Variants in OPCML observed in about 807,000 individuals in gnomAD.
OPCML encodes opioid-binding protein/cell adhesion molecule.
Under a neutral mutation model 37.8 loss-of-function variants are expected in OPCML, and 13 were observed. The ratio of observed to expected loss-of-function variants is 0.34; its 90% confidence interval spans 0.22 to 0.55. The LOEUF (loss-of-function observed/expected upper bound fraction) is 0.55. OPCML is among the 20% of genes least tolerant of loss of function. The pLI is 0.91. For missense variants in OPCML, 341 were observed against 435.6 expected (o/e 0.78, Z 1.93); for synonymous variants, 176 against 168.8 (o/e 1.04, Z -0.33).
chr11:133,168,037 G>A (rs1025803853), intron 1 of OPCML, among the ~76,000 whole-genome samples: 1 of 152,134 alleles, frequency 6.6e-6, no homozygotes, highest in African/African-American at 2.4e-5. Flanking sequence ...AAAACTAAAA[G>A]GTGTGTCAAT....
chr11:133,387,951 T>A (rs1335717552), intron 1 of OPCML, among the ~76,000 whole-genome samples: 1 of 152,090 alleles, frequency 6.6e-6, no homozygotes, highest in South Asian at 2.1e-4. Flanking sequence ...GGATACCAAG[T>A]GCAAAGACAC....
At chr11:133,187,388 C>A (rs1366316548) in intron 1 of OPCML, among the ~76,000 whole-genome samples, 1 of 152,120 alleles carries the variant, frequency 6.6e-6, no homozygotes, top group Admixed American at 6.6e-5. Flanking sequence ...TTGGGATGAT[C>A]CACTCTGCAG....
At chr11:132,558,111 T>A (rs1401526244) in intron 3 of OPCML, among the ~76,000 whole-genome samples, 2 of 151,246 alleles carry the variant, frequency 1.3e-5, no homozygotes, top group African/African-American at 4.9e-5. Flanking sequence ...GATAGGAGAG[T>A]TCTTTCTCCC....
intron 1 of OPCML, among the ~76,000 whole-genome samples, chr11:133,140,885 A>AAGGAGAAGGAGAAGGAGAAGGAGAAGG (rs1346820266): frequency 3.1e-5 from 1 of 32,092 alleles, no homozygotes; most frequent in South Asian, 1.3e-3. Flanking sequence ...GAAGACGACG[A>AAGGAGAAGGAGAAGGAGAAGGAGAAGG]CGACGACGAA....
chr11:132,989,663 G>A (rs1946741010), intron 1 of OPCML, among the ~76,000 whole-genome samples: 1 of 151,600 alleles, frequency 6.6e-6, no homozygotes, highest in African/African-American at 2.4e-5. Context: ...AGGTGGAGGT[G>A]TGGATCTGTG....
At chr11:133,233,106 A>T (rs1940349202) in intron 1 of OPCML, among the ~76,000 whole-genome samples, 1 of 152,202 alleles carries the variant, frequency 6.6e-6, no homozygotes, top group Admixed American at 6.5e-5. Context: ...GACATGTAGC[A>T]GCTAAGCTTA....
chr11:132,795,115 GAC>G (rs150540717), intron 2 of OPCML, among the ~76,000 whole-genome samples: 11 of 150,184 alleles, frequency 7.3e-5, no homozygotes, highest in East Asian at 2.0e-4. Flanking sequence ...CACACACACA[GAC>G]ACACACACAC....
intron 3 of OPCML, among the ~76,000 whole-genome samples, chr11:132,604,750 G>A (rs1397787160): frequency 6.6e-6 from 1 of 152,124 alleles, no homozygotes; most frequent in African/African-American, 2.4e-5. Context: ...ATTTAATCAG[G>A]AACAACAGCC....
At chr11:132,541,774 A>G (rs960148806) in intron 3 of OPCML, among the ~76,000 whole-genome samples, 4 of 152,196 alleles carry the variant, frequency 2.6e-5, no homozygotes, top group Non-Finnish European at 5.9e-5. Context: ...CCAAGGTTTC[A>G]GCTACAGCCA....
At chr11:132,840,906 C>A (rs1273989226) in intron 2 of OPCML, among the ~76,000 whole-genome samples, 1 of 152,002 alleles carries the variant, frequency 6.6e-6, no homozygotes, top group African/African-American at 2.4e-5. Flanking sequence ...GAAGCAGATG[C>A]GGCAAAAAGA....
intron 1 of OPCML, among the ~76,000 whole-genome samples, chr11:133,184,007 C>T (rs997369666): frequency 5.3e-5 from 8 of 152,236 alleles, no homozygotes; most frequent in African/African-American, 9.6e-5. Flanking sequence ...TTTGATAAAA[C>T]GCAGTGTAGC....
At chr11:133,235,923 C>A (rs1006598134) in intron 1 of OPCML, among the ~76,000 whole-genome samples, 2 of 152,228 alleles carry the variant, frequency 1.3e-5, no homozygotes, top group Non-Finnish European at 2.9e-5. Context: ...GATTCGAATA[C>A]AATACCTTCC....
At position 132,999,642 on chromosome 11, in the gene OPCML, G is replaced by C. The variant is rs150832899; in HGVS notation, c.62-56632C>G. ...ATTTAGGTTTTTCTTGTAGCTCTGC[G>C]TGCTGCCACGAGCGTGCCTGTGTGG... On this transcript the variant is annotated intron_variant, in intron 1 of 7. Transcript: ENST00000524381. Among the ~76,000 whole-genome samples the C allele has an allele frequency of 3.6e-3, 554 of 152,062 alleles. 3 individuals are homozygous for C. The highest frequency in any genetic ancestry group is 0.021 in the South Asian group (102 of 4,820).
At chr11:132,566,124 C>G (rs1263680429) in intron 3 of OPCML, among the ~76,000 whole-genome samples, 1 of 152,192 alleles carries the variant, frequency 6.6e-6, no homozygotes, top group Non-Finnish European at 1.5e-5. Flanking sequence ...TGATGTTAGG[C>G]ACTGCAGGTG....
chr11:133,522,938 G>T (rs1188646400), intron 1 of OPCML, among the ~76,000 whole-genome samples: 1 of 152,142 alleles, frequency 6.6e-6, no homozygotes, highest in Admixed American at 6.5e-5. Context: ...GGTCTAGGCG[G>T]TGGGCCATGT....
intron 1 of OPCML, among the ~76,000 whole-genome samples, chr11:133,019,833 C>T (rs924704270): frequency 2.0e-5 from 3 of 152,126 alleles, no homozygotes; most frequent in African/African-American, 7.2e-5. Flanking sequence ...CACTGAAAAC[C>T]CAGTGTCATT....
chr11:133,070,507 C>T (rs1948511826), intron 1 of OPCML, among the ~76,000 whole-genome samples: 1 of 152,170 alleles, frequency 6.6e-6, no homozygotes, highest in Non-Finnish European at 1.5e-5. Context: ...GGCGGGCCCA[C>T]AATTCTATTG....
chr11:133,180,251 G>A (rs537945446), intron 1 of OPCML, among the ~76,000 whole-genome samples: 26 of 152,258 alleles, frequency 1.7e-4, no homozygotes, highest in African/African-American at 6.0e-4. Flanking sequence ...ACCCTCACGT[G>A]TGCGTTCAGA....
chr11:132,873,526 C>G (rs1236822548), intron 2 of OPCML, among the ~76,000 whole-genome samples: 1 of 151,752 alleles, frequency 6.6e-6, no homozygotes, highest in Non-Finnish European at 1.5e-5. Context: ...ACAGAGGCAC[C>G]CAATGGGTGC....
Sources: gnomAD v4.1 joint callset for allele counts (sites outside exome capture counted in the v4.1 genomes callset) on GRCh38, gnomAD v4.1.1 for gene constraint, MANE v1.5 for transcripts, NCBI Gene and HGNC (gene_info 2026-07-23, HGNC 2026-07-21) for gene names.